ABCB9: variants seen among roughly 807,000 people sequenced by gnomAD.
ABCB9 encodes the protein ATP binding cassette subfamily B member 9.
ABCB9 carries 36 observed loss-of-function variants against 62.0 expected under a neutral mutation model. That is an observed-to-expected ratio of 0.58 (90% CI 0.45 to 0.77). The LOEUF (loss-of-function observed/expected upper bound fraction) is 0.77, where lower values mean the gene tolerates loss of function less well. Ranked by LOEUF, ABCB9 falls within the 30% of genes least tolerant of loss-of-function variation. ABCB9 has a pLI of 0.00. For missense variants in ABCB9, 943 were observed against 1,054.7 expected (o/e 0.89, Z 1.47); for synonymous variants, 435 against 461.4 (o/e 0.94, Z 0.73).
Position 122,944,376 on chromosome 12 carries a change from A to C in ABCB9, c.1380+15T>G. 6.2e-7 allele frequency: 1 copy of C among 1,604,036 alleles called. No individual in the cohort carries two copies. Among genetic ancestry groups the C allele is most frequent in the Non-Finnish European group, 8.5e-7 (1 of 1,173,848 alleles). On this transcript the variant is annotated intron_variant, in intron 7 of 11. Transcript: ENST00000280560. The surrounding 1 kb of genome is among the most constrained non-coding windows in gnomAD (Gnocchi z 4.9). ...CTCCCTTCTCTCTGGATCCCCGGAC[A>C]CACTGGCCTCTCACCTCCATACAAT... is the stretch of plus-strand genomic sequence containing the variant.
At chr12:122,925,393 C>G (rs1026415813), downstream of ABCB9, among the ~76,000 whole-genome samples, 2 of 152,038 alleles carry the variant, frequency 1.3e-5, no homozygotes, top group African/African-American at 4.8e-5. Context: ...TCTCATGGGA[C>G]CCAGCAATTC....
At position 122,930,254 on chromosome 12, in the gene ABCB9, T is replaced by G; in HGVS notation, c.2041-83A>C. On this transcript the variant is annotated intron_variant, in intron 11 of 11. Transcript: ENST00000280560. This position sits in a 1 kb window ranked among gnomAD's most constrained non-coding sequence, Gnocchi z 4.9. Reference sequence around the variant, plus strand: ...CTTCATGCCACGGCCTATGGGCTGATGCTTAACCTCTCTGAGGCTCAGTTC... The same window carrying G: ...CTTCATGCCACGGCCTATGGGCTGAGGCTTAACCTCTCTGAGGCTCAGTTC... The G allele has an allele frequency of 7.5e-7, 1 of 1,329,168 alleles. No homozygotes were observed. Among genetic ancestry groups the G allele is most frequent in the Non-Finnish European group, 1.0e-6 (1 of 985,382 alleles). The allele number at this position is 1,329,168 out of a possible 1,614,324, so 82.3% of individuals were successfully genotyped here. A position where few individuals can be genotyped will look rare whatever the true frequency, so the allele number is the denominator to read the frequency against.
At chr12:122,945,678 G>A (rs2035994735) in intron 6 of ABCB9, among the ~76,000 whole-genome samples, 1 of 152,052 alleles carries the variant, frequency 6.6e-6, no homozygotes, top group South Asian at 2.1e-4. Context: ...AGGAGTTCGA[G>A]ACCAGCCTGG....
At chr12:122,939,063 TA>T (rs1262089871) in intron 9 of ABCB9, among the ~76,000 whole-genome samples, 1 of 151,750 alleles carries the variant, frequency 6.6e-6, no homozygotes, top group African/African-American at 2.4e-5. Flanking sequence ...TCCCAGCTAC[TA>T]GGGGGGCTGA....
At chr12:122,969,122 G>T (rs967588046), upstream of ABCB9, among the ~76,000 whole-genome samples, 2 of 152,024 alleles carry the variant, frequency 1.3e-5, no homozygotes, top group African/African-American at 4.8e-5. Flanking sequence ...GGTGAAACAG[G>T]TGAGGCACAG....
At position 122,935,342 on chromosome 12, in the gene ABCB9, C is replaced by T; in HGVS notation, c.1833G>A (p.Met611Ile). 2 of 1,614,126 alleles carry T rather than the reference C, an allele frequency of 1.2e-6. No individual in the cohort carries two copies. Among genetic ancestry groups the T allele is most frequent in the Non-Finnish European group, 1.7e-6 (2 of 1,180,026 alleles). ...SYGLPTVPFE[M>I]VVEAAQKANA... Reference sequence around the variant, plus strand: ...TGGCCTTCTGTGCGGCCTCCACCACCATCTCGAAAGGCACAGTGGGCAGGC... The same window carrying T: ...TGGCCTTCTGTGCGGCCTCCACCACTATCTCGAAAGGCACAGTGGGCAGGC... Residue 611 changes from methionine to isoleucine, a missense_variant, in exon 10 of 12, where the codon ATG becomes ATA. Coordinates refer to ENST00000280560, the MANE Select transcript of ABCB9 (RefSeq NM_019625.4).
rs2036038511 is a variant in ABCB9 at position 122,946,195 on chromosome 12, G to A, written c.1081C>T (p.Leu361=). The A allele has an allele frequency of 6.2e-7, 1 of 1,614,050 alleles. No individual in the cohort carries two copies. The highest frequency in any genetic ancestry group is 1.1e-5 in the South Asian group (1 of 91,082). ...TCCGCCGTGTTGCTCGCTCTGGCCA[G>A]GGCATTCTGGACCTCTTTGGAGAGC... is the stretch of plus-strand genomic sequence containing the variant. ...KRLSKEVQNA[L]ARASNTAEET... is the part of the protein sequence containing the mutation. Residue 361 remains leucine (L), a synonymous_variant, in exon 6 of 12, where the codon CTG becomes TTG. Transcript: ENST00000280560.
At position 122,932,069 on chromosome 12, in the gene ABCB9, G is replaced by A. The variant is rs1434067135; in HGVS notation, c.2040+123C>T. 1 of 1,501,018 alleles carries A rather than the reference G, an allele frequency of 6.7e-7. No homozygotes were observed. Among genetic ancestry groups the A allele is most frequent in the Admixed American group, 2.0e-5 (1 of 50,792 alleles). 93.0% of individuals were successfully genotyped at this position (1,501,018 alleles called of 1,614,324 possible). ...ACACCAGGAATTCACCAGCCCAGGA[G>A]GCTGATAGTCTGGGAGAGCTCCTGG... On this transcript the variant is annotated intron_variant, in intron 11 of 11. Coordinates refer to ENST00000280560, the MANE Select transcript of ABCB9 (RefSeq NM_019625.4). This position sits in a 1 kb window ranked among gnomAD's most constrained non-coding sequence, Gnocchi z 4.7.
upstream of ABCB9, among the ~76,000 whole-genome samples, chr12:122,971,365 CGACAGA>C (rs2037268092): frequency 7.5e-6 from 1 of 132,546 alleles, no homozygotes; most frequent in African/African-American, 2.9e-5. Flanking sequence ...CCAGCCTGGG[CGACAGA>C]GTGAGACTCC....
rs376559160 is a variant in ABCB9, at chr12:122,930,573, C to A, written c.2041-402G>T. Among the ~76,000 whole-genome samples the A allele has an allele frequency of 6.6e-6, 1 of 152,066 alleles. No homozygotes were observed. Among genetic ancestry groups the A allele is most frequent in the Non-Finnish European group, 1.5e-5 (1 of 68,014 alleles). ...TACAGGTGCCCGCCACCATACCCAG[C>A]TAATTTTTGTATTTTTAGTAGAGAC... On this transcript the variant is annotated intron_variant, in intron 11 of 11. Coordinates refer to ENST00000280560, the MANE Select transcript of ABCB9 (RefSeq NM_019625.4). This position sits in a 1 kb window ranked among gnomAD's most constrained non-coding sequence, Gnocchi z 4.9.
rs893947862 is a variant in ABCB9, at chr12:122,944,660, T to C, written c.1252-141A>G. ...GAAATGCCGGCCGTTGGCAGGGGTG[T>C]CTTCCAAGGCTTGTCACTCATGCCT... On this transcript the variant is annotated intron_variant, in intron 6 of 11. Coordinates refer to ENST00000280560, the MANE Select transcript of ABCB9 (RefSeq NM_019625.4). This position sits in a 1 kb window ranked among gnomAD's most constrained non-coding sequence, Gnocchi z 4.9. 1 of 1,219,948 alleles carries C rather than the reference T, an allele frequency of 8.2e-7. No individual in the cohort carries two copies. The highest frequency in any genetic ancestry group is 2.4e-5 in the Admixed American group (1 of 40,972). 75.6% of individuals were successfully genotyped at this position (1,219,948 alleles called of 1,614,324 possible). A position where few individuals can be genotyped will look rare whatever the true frequency, so the allele number is the denominator to read the frequency against.
At chr12:122,966,036 G>A (rs2037152762) in intron 1 of ABCB9, among the ~76,000 whole-genome samples, 1 of 152,236 alleles carries the variant, frequency 6.6e-6, no homozygotes, top group Admixed American at 6.5e-5. Context: ...TTTTCCAAGA[G>A]GCAGCGGCGC....
At position 122,940,311 on chromosome 12, in the gene ABCB9, G is replaced by A. The variant is rs746308599; in HGVS notation, c.1570-27C>T. ...TGCAAAGAACACACAGGCACAGTGC[G>A]GGGTTATCGGCTCAGGTCCCAGGAC... On this transcript the variant is annotated intron_variant, in intron 8 of 11. Transcript: ENST00000280560. The surrounding 1 kb of genome is among the most constrained non-coding windows in gnomAD (Gnocchi z 4.8). The A allele has an allele frequency of 3.2e-5, 49 of 1,540,852 alleles. No homozygotes were observed. Among genetic ancestry groups the A allele is most frequent in the Middle Eastern group, 2.1e-4 (1 of 4,878 alleles).
Position 122,940,672 on chromosome 12 carries a change from C to A in ABCB9, c.1569+135G>T. 1.8e-6 allele frequency: 2 copies of A among 1,129,182 alleles called. No homozygotes were observed. The highest frequency in any genetic ancestry group is 2.8e-4 in the Middle Eastern group (1 of 3,628). The allele number at this position is 1,129,182 out of a possible 1,614,324, so 69.9% of individuals were successfully genotyped here. On this transcript the variant is annotated intron_variant, in intron 8 of 11. Transcript: ENST00000280560. The surrounding 1 kb of genome is among the most constrained non-coding windows in gnomAD (Gnocchi z 4.8). Reference sequence around the variant, plus strand: ...AAGTATCTGTCTTCCCCAACTGGAGCCCAAAACTCCTGGAGGGCAATGATC... The same window carrying A: ...AAGTATCTGTCTTCCCCAACTGGAGACCAAAACTCCTGGAGGGCAATGATC...
chr12:122,919,092 A>G (rs1194962960), downstream of ABCB9, among the ~76,000 whole-genome samples: 1 of 152,170 alleles, frequency 6.6e-6, no homozygotes, highest in African/African-American at 2.4e-5. Context: ...CTACAGCTGA[A>G]TCATATCCCA....
At chr12:122,948,365 T>A (rs1566177699) in intron 5 of ABCB9, 3 of 376,992 alleles carry the variant, frequency 8.0e-6, no homozygotes, top group Non-Finnish European at 9.6e-6. Context: ...TGTTGGTACC[T>A]AGTATCTGTC....
At chr12:122,936,305 G>A (rs1210933074) in intron 9 of ABCB9, among the ~76,000 whole-genome samples, 1 of 152,042 alleles carries the variant, frequency 6.6e-6, no homozygotes, top group African/African-American at 2.4e-5. Flanking sequence ...ACATTGAAAA[G>A]GATATTTACT....
At chr12:122,957,600 T>C (rs542361259) in intron 2 of ABCB9, among the ~76,000 whole-genome samples, 2 of 151,010 alleles carry the variant, frequency 1.3e-5, no homozygotes, top group African/African-American at 4.9e-5. Flanking sequence ...CAGGCACAAA[T>C]ACATTTCATG....
chr12:122,943,474 G>A (rs1390492631), intron 7 of ABCB9, among the ~76,000 whole-genome samples: 3 of 152,144 alleles, frequency 2.0e-5, no homozygotes, highest in East Asian at 1.9e-4. Flanking sequence ...CCTGAGCCCC[G>A]TTCCCGAGCA....
Sources: gnomAD v4.1 joint callset for allele counts (sites outside exome capture counted in the v4.1 genomes callset) on GRCh38, gnomAD v4.1.1 for gene constraint, Gnocchi (gnomAD v3.1) non-coding constraint, MANE v1.5 for transcripts, NCBI Gene and HGNC (gene_info 2026-07-23, HGNC 2026-07-21) for gene names.